DLG2: variants seen among roughly 807,000 people sequenced by gnomAD.
DLG2 encodes disks large homolog 2.
Under a neutral mutation model 132.5 loss-of-function variants are expected in DLG2, and 45 were observed. The ratio of observed to expected loss-of-function variants is 0.34; its 90% CI spans 0.27 to 0.44. The LOEUF is 0.44. DLG2 is among the 20% of genes least tolerant of loss of function. The pLI is 1.00. For synonymous variants in DLG2, 424 were observed against 419.6 expected, an observed-to-expected ratio of 1.01 and a Z score of -0.13; for missense variants, 1,045 against 1,196.9, an observed-to-expected ratio of 0.87 and a Z score of 1.87.
intron 7 of DLG2, among the ~76,000 whole-genome samples, chr11:84,294,605 A>T (rs1973058): frequency 0.95 from 144,081 of 152,258 alleles, 68,236 homozygotes; most frequent in Non-Finnish European, 0.97. Context: ...CTCAAAAAAA[A>T]TAAATAAATG....
At chr11:84,517,040 T>A (rs1408436534) in intron 7 of DLG2, among the ~76,000 whole-genome samples, 8 of 86,044 alleles carry the variant, frequency 9.3e-5, no homozygotes, top group African/African-American at 1.6e-4. Flanking sequence ...AATAAATAAA[T>A]AAATAAATAT....
intron 12 of DLG2, among the ~76,000 whole-genome samples, chr11:83,978,956 A>G (rs1183568347): frequency 1.3e-5 from 2 of 152,180 alleles, no homozygotes; most frequent in Admixed American, 6.6e-5. Context: ...ATTATTAAAC[A>G]TATGACTATG....
chr11:85,227,177 T>G (rs963956208), intron 4 of DLG2, among the ~76,000 whole-genome samples: 1 of 152,018 alleles, frequency 6.6e-6, no homozygotes, highest in African/African-American at 2.4e-5. Context: ...CTGGTGATAA[T>G]CAATCAGCTG....
At chr11:84,815,578 A>C (rs541604505) in intron 6 of DLG2, among the ~76,000 whole-genome samples, 1 of 152,188 alleles carries the variant, frequency 6.6e-6, no homozygotes, top group East Asian at 1.9e-4. Flanking sequence ...ATTTAAAAGA[A>C]TGACATCTTG....
intron 5 of DLG2, among the ~76,000 whole-genome samples, chr11:85,139,388 T>G (rs1288564603): frequency 6.6e-6 from 1 of 152,078 alleles, no homozygotes; most frequent in African/African-American, 2.4e-5. Context: ...AAATTTGCAA[T>G]GCAAGATCTT....
At chr11:84,366,163 A>T (rs1189564627) in intron 7 of DLG2, among the ~76,000 whole-genome samples, 2 of 152,070 alleles carry the variant, frequency 1.3e-5, no homozygotes, top group Admixed American at 6.6e-5. Flanking sequence ...AATATTCAAC[A>T]TTCTTAAAGA....
At chr11:84,064,233 A>G (rs1245758044) in intron 10 of DLG2, among the ~76,000 whole-genome samples, 1 of 152,226 alleles carries the variant, frequency 6.6e-6, no homozygotes. Flanking sequence ...AGTGTTAAAA[A>G]TTTAAAAATT....
chr11:84,500,917 C>A (rs2099202471), intron 7 of DLG2, among the ~76,000 whole-genome samples: 1 of 152,054 alleles, frequency 6.6e-6, no homozygotes, highest in Non-Finnish European at 1.5e-5. Flanking sequence ...TATGGCAATT[C>A]ACAAATATAT....
At chr11:84,166,500 CA>C (rs398016937) in intron 8 of DLG2, among the ~76,000 whole-genome samples, 4,466 of 80,894 alleles carry the variant, frequency 0.055, 185 homozygotes, top group African/African-American at 0.19. Flanking sequence ...GACTCTGCTT[CA>C]AAAAAAAAAA....
At chr11:84,680,127 T>C (rs927431190) in intron 6 of DLG2, among the ~76,000 whole-genome samples, 1 of 152,134 alleles carries the variant, frequency 6.6e-6, no homozygotes, top group African/African-American at 2.4e-5. Context: ...AGTCTCTCTC[T>C]CTTCCAGCAT....
intron 6 of DLG2, among the ~76,000 whole-genome samples, chr11:84,588,033 A>G (rs1205057464): frequency 6.6e-6 from 1 of 152,138 alleles, no homozygotes; most frequent in Non-Finnish European, 1.5e-5. Flanking sequence ...AGGATGACCT[A>G]CATAGCTGTG....
intron 10 of DLG2, among the ~76,000 whole-genome samples, chr11:84,080,207 T>C (rs2096883749): frequency 6.6e-6 from 1 of 152,222 alleles, no homozygotes; most frequent in African/African-American, 2.4e-5. Context: ...AACAACAGTT[T>C]GGGAGTAAAA....
chr11:83,629,670 A>G (rs2063231591), intron 19 of DLG2, among the ~76,000 whole-genome samples: 1 of 152,162 alleles, frequency 6.6e-6, no homozygotes, highest in African/African-American at 2.4e-5. Flanking sequence ...TTATTATACC[A>G]GCTTTTATCA....
Position 84,098,937 on chromosome 11 carries a change from C to G in DLG2, c.735G>C (p.Glu245Asp). ...TKIIPGGAAA[E>D]DGRLRVNDCI... ...CAGATCTTTACCTGAGTCTGCCATC[C>G]TCTGCTGCAGCACCTCCTGGTATAA... The change falls in exon 10 of 28, where the codon GAG becomes GAC. Residue 245 changes from glutamate to aspartate, a missense_variant. This residue lies in a region of DLG2 where 109 missense variants were observed against 159.1 expected (regional missense o/e 0.69). Coordinates refer to ENST00000376104, the MANE Select transcript of DLG2 (RefSeq NM_001142699.3). 6.2e-7 allele frequency: 1 copy of G among 1,613,176 alleles called. No homozygotes were observed. Among genetic ancestry groups the G allele is most frequent in the Non-Finnish European group, 8.5e-7 (1 of 1,179,694 alleles).
chr11:84,196,420 A>T (rs1321800275), intron 8 of DLG2, among the ~76,000 whole-genome samples: 1 of 152,188 alleles, frequency 6.6e-6, no homozygotes, highest in Admixed American at 6.5e-5. Flanking sequence ...AGCGGCCAAA[A>T]CAACTCTCAA....
intron 18 of DLG2, among the ~76,000 whole-genome samples, chr11:83,667,640 A>AT (rs2075872593): frequency 6.6e-6 from 1 of 152,268 alleles, no homozygotes; most frequent in Admixed American, 6.5e-5. Context: ...GAGGTGGCTA[A>AT]CTTCCTTCTA....
Position 84,761,326 on chromosome 11 carries a change from G to A in DLG2, c.358-226595C>T, listed in dbSNP as rs546161874. Among the ~76,000 whole-genome samples the A allele has an allele frequency of 7.2e-5, 11 of 152,258 alleles. No homozygotes were observed. The East Asian group carries it at 1.7e-3, about 24-fold the overall frequency. On this transcript the variant is annotated intron_variant, in intron 6 of 27. Transcript: ENST00000376104. ...AAGCCAATTTGCTAAATGGTTATGG[G>A]GACTTTTTGCCCTTTCTTTTGAATG...
intron 7 of DLG2, among the ~76,000 whole-genome samples, chr11:84,254,710 G>C (rs2097437967): frequency 6.6e-6 from 1 of 151,952 alleles, no homozygotes; most frequent in Admixed American, 6.6e-5. Context: ...CATAACTCTA[G>C]GATGTAGAGT....
chr11:84,933,920 G>C (rs935952037), intron 6 of DLG2, among the ~76,000 whole-genome samples: 8 of 152,314 alleles, frequency 5.3e-5, no homozygotes, highest in Non-Finnish European at 1.0e-4. Context: ...TGATGAGAAA[G>C]GGCATCCTTT....
Sources: allele counts gnomAD v4.1 joint callset (sites outside exome capture counted in the v4.1 genomes callset), GRCh38; gene constraint gnomAD v4.1.1; regional missense constraint gnomAD v4.1.1; transcripts MANE v1.5; gene names NCBI Gene and HGNC (gene_info 2026-07-23, HGNC 2026-07-21).